CSDC2: variants seen among roughly 807,000 people sequenced by gnomAD.
The protein encoded by CSDC2 is cold shock domain containing C2.
In CSDC2, 8 loss-of-function variants were observed where a neutral mutation model predicts 15.8. The observed-to-expected ratio is 0.51, with a 90% confidence interval of 0.30 to 0.92. CSDC2 has a LOEUF of 0.92. Ranked by LOEUF, CSDC2 falls within the 40% of genes least tolerant of loss-of-function variation. The pLI is 0.07. For synonymous variants in CSDC2, 96 were observed against 92.3 expected (o/e 1.04, Z -0.23); for missense variants, 195 against 213.3 (o/e 0.91, Z 0.53).
At chr22:41,569,512 CTG>C (rs1304546979) in intron 1 of CSDC2, among the ~76,000 whole-genome samples, 1 of 152,176 alleles carries the variant, frequency 6.6e-6, no homozygotes, top group Non-Finnish European at 1.5e-5. Context: ...ATCATGCCCT[CTG>C]TGTTTTTGGG....
intron 1 of CSDC2, among the ~76,000 whole-genome samples, chr22:41,566,455 A>C (rs1218676791): frequency 2.0e-5 from 3 of 149,242 alleles, no homozygotes; most frequent in East Asian, 2.0e-4. Context: ...AAAAAAAAAA[A>C]AAAAAAAAAA....
chr22:41,561,670 A>T (rs1288286099), intron 1 of CSDC2, among the ~76,000 whole-genome samples: 1 of 151,780 alleles, frequency 6.6e-6, no homozygotes, highest in African/African-American at 2.4e-5. Flanking sequence ...TCTTATCCTG[A>T]CTCTATTTTT....
intron 1 of CSDC2, among the ~76,000 whole-genome samples, chr22:41,569,999 C>T (rs1013093393): frequency 5.9e-5 from 9 of 151,898 alleles, no homozygotes; most frequent in Admixed American, 1.3e-4. Flanking sequence ...AGGCTGGTCT[C>T]GAACTCCTGA....
intron 1 of CSDC2, among the ~76,000 whole-genome samples, chr22:41,569,899 C>G (rs768506803): frequency 6.0e-5 from 9 of 151,184 alleles, no homozygotes; most frequent in African/African-American, 2.2e-4. Flanking sequence ...CATGCCTCAG[C>G]CTTCTGAGTA....
chr22:41,571,749 A>C, intron 1 of CSDC2, 94 bp from the exon 2 acceptor site: 3 of 383,694 alleles, frequency 7.8e-6, no homozygotes, highest in African/African-American at 2.1e-5. Flanking sequence ...CGCCGTGAGG[A>C]TAGCAGGTGG....
chr22:41,575,399 G>T lies in CSDC2; in HGVS notation c.*504G>T, dbSNP rs1602000454. The T allele has an allele frequency of 6.3e-6, 1 of 158,442 alleles. No individual in the cohort carries two copies. Among genetic ancestry groups the T allele is most frequent in the East Asian group, 1.9e-4 (1 of 5,394 alleles). The allele number at this position is 158,442 out of a possible 1,614,324, so 9.8% of individuals were successfully genotyped here. On this transcript the variant is annotated 3_prime_UTR_variant, in exon 4 of 4. Coordinates refer to ENST00000306149, the MANE Select transcript of CSDC2 (RefSeq NM_014460.4). ...AGAAGCCTGGCCGATGGGTGCTTTTGGGGAGCCTCTCAGCCTCTGGCAGGG... is the reference window on the plus strand; with the variant it reads ...AGAAGCCTGGCCGATGGGTGCTTTTTGGGAGCCTCTCAGCCTCTGGCAGGG...
At chr22:41,566,143 TAAA>T (rs35579661) in intron 1 of CSDC2, among the ~76,000 whole-genome samples, 5 of 103,276 alleles carry the variant, frequency 4.8e-5, no homozygotes, top group Non-Finnish European at 4.0e-5. Flanking sequence ...CATCTCTGAT[TAAA>T]AAAAAAAAAA....
rs35579661 is a variant in CSDC2, at chr22:41,566,143, T to TA, written c.-124+4980dup. Among the ~76,000 whole-genome samples the TA allele has an allele frequency of 8.4e-3, 863 of 103,262 alleles. 6 individuals are homozygous for TA. Among genetic ancestry groups the TA allele is most frequent in the African/African-American group, 0.024 (632 of 26,636 alleles). The allele number at this position is 103,262 out of a possible 152,430, so 67.7% of individuals were successfully genotyped here. A position where few individuals can be genotyped will look rare whatever the true frequency, so the allele number is the denominator to read the frequency against. ...AACATGGTGAAACCCCATCTCTGAT[T>TA]AAAAAAAAAAAAAAAAAAAAGGCTG... On this transcript the variant is annotated intron_variant, in intron 1 of 3. Transcript: ENST00000306149.
chr22:41,574,764 G>A lies in CSDC2; in HGVS notation c.331G>A (p.Asp111Asn), dbSNP rs2067166328. The A allele has an allele frequency of 3.1e-6, 5 of 1,613,802 alleles. No homozygotes were observed. The highest frequency in any genetic ancestry group is 1.1e-5 in the South Asian group (1 of 91,076). ...GGGGGAGTACGTGCCAGTGGAGGGC[G>A]ACGAGGTGACCTACAAGATGTGCCC... The part of the protein sequence containing the change: ...IEGEYVPVEG[D>N]EVTYKMCPIP... Residue 111 changes from aspartate to asparagine, a missense_variant, in exon 4 of 4, where the codon GAC (aspartate) becomes AAC (asparagine). Physicochemically the swap from Asp to Asn is conservative, Grantham distance 23. Transcript: ENST00000306149.
chr22:41,561,094 CA>C lies in CSDC2; in HGVS notation c.-212del, dbSNP rs1448428850. 1 of 148,708 alleles carries C rather than the reference CA, an allele frequency of 6.7e-6. No individual in the cohort carries two copies. 9.2% of individuals were successfully genotyped at this position (148,708 alleles called of 1,614,324 possible). On this transcript the variant is annotated 5_prime_UTR_variant, in exon 1 of 4. Transcript: ENST00000306149. ...CACACACACACACATCTTCCAGACCCATCCCCTGCCTGCCAGCTCCACGAGC... is the reference window on the plus strand; with the variant it reads ...CACACACACACACATCTTCCAGACCCTCCCCTGCCTGCCAGCTCCACGAGC...
intron 1 of CSDC2, among the ~76,000 whole-genome samples, chr22:41,564,135 A>G (rs2067101622): frequency 6.6e-6 from 1 of 151,352 alleles, no homozygotes; most frequent in South Asian, 2.1e-4. Flanking sequence ...AATGGTAGTT[A>G]CTGCATCGGG....
In CSDC2 at chr22:41,576,117, AGGGAGGGCT is replaced by A. The variant is rs1031660078; in HGVS notation, c.*1225_*1233del. 9.2e-5 allele frequency: 14 copies of A among 152,366 alleles called. No homozygotes were observed. Among genetic ancestry groups the A allele is most frequent in the Non-Finnish European group, 2.9e-5 (2 of 68,174 alleles). 9.4% of individuals were successfully genotyped at this position (152,366 alleles called of 1,614,324 possible). ...CGGGGAGAAGTGGGGCCGTGGTTCG[AGGGAGGGCT>A]GGCCAGGGGTGGGACCCTTATGAGA... On this transcript the variant is annotated 3_prime_UTR_variant, in exon 4 of 4. Coordinates refer to ENST00000306149, the MANE Select transcript of CSDC2 (RefSeq NM_014460.4).
intron 1 of CSDC2, among the ~76,000 whole-genome samples, chr22:41,566,704 C>G (rs575743905): frequency 6.6e-6 from 1 of 150,988 alleles, no homozygotes; most frequent in African/African-American, 2.4e-5. Flanking sequence ...CTTTGGGAGG[C>G]CGAGGCGGGC....
chr22:41,563,646 G>T (rs1191047135), intron 1 of CSDC2, among the ~76,000 whole-genome samples: 1 of 152,028 alleles, frequency 6.6e-6, no homozygotes, highest in African/African-American at 2.4e-5. Context: ...GGGAGGGTGG[G>T]CGCCACCCTC....
rs61037464 is a variant in CSDC2, at chr22:41,561,045, G to GACACACACAC, written c.-234_-225dup. ...GGTACCGCCCGCGCGAGCACACACA[G>GACACACACAC]ACACACACACACACACACACACACA... On this transcript the variant is annotated 5_prime_UTR_variant, in exon 1 of 4. Coordinates refer to ENST00000306149, the MANE Select transcript of CSDC2 (RefSeq NM_014460.4). 0.12 allele frequency: 15,965 copies of GACACACACAC among 131,868 alleles called. 1,233 individuals carry two copies. The highest frequency in any genetic ancestry group is 0.27 in the Admixed American group (3,686 of 13,410). 8.2% of individuals were successfully genotyped at this position (131,868 alleles called of 1,614,324 possible). A position where few individuals can be genotyped will look rare whatever the true frequency, so the allele number is the denominator to read the frequency against.
intron 1 of CSDC2, among the ~76,000 whole-genome samples, chr22:41,569,596 G>A (rs2067134676): frequency 6.6e-6 from 1 of 152,068 alleles, no homozygotes; most frequent in South Asian, 2.1e-4. Context: ...GGTGTAGCGT[G>A]AATCAGTATT....
At chr22:41,564,401 C>T (rs1210917761) in intron 1 of CSDC2, among the ~76,000 whole-genome samples, 8 of 152,040 alleles carry the variant, frequency 5.3e-5, no homozygotes, top group Admixed American at 4.6e-4. Flanking sequence ...ACTGGGACTA[C>T]AGGTGCCTGC....
chr22:41,563,651 A>C (rs1247811856), intron 1 of CSDC2, among the ~76,000 whole-genome samples: 1 of 151,956 alleles, frequency 6.6e-6, no homozygotes, highest in Non-Finnish European at 1.5e-5. Context: ...GGTGGGCGCC[A>C]CCCTCAAGGA....
chr22:41,570,055 C>T (rs141241691), intron 1 of CSDC2, among the ~76,000 whole-genome samples: 85 of 152,176 alleles, frequency 5.6e-4, no homozygotes, highest in African/African-American at 2.0e-3. Flanking sequence ...GCTGGGATTA[C>T]AGGTGTGCGC....
Sources: allele counts gnomAD v4.1 joint callset (sites outside exome capture counted in the v4.1 genomes callset), GRCh38; gene constraint gnomAD v4.1.1; transcripts MANE v1.5; gene names NCBI Gene and HGNC (gene_info 2026-07-23, HGNC 2026-07-21).